Variants in PCDH19 observed in about 807,000 individuals in gnomAD.
PCDH19 encodes the protein protocadherin-19.
A neutral mutation model predicts 46.2 loss-of-function variants in PCDH19; 6 were observed. That is an observed-to-expected ratio of 0.13 (90% CI 0.07 to 0.26). PCDH19 has a LOEUF of 0.26. Ranked by LOEUF, PCDH19 falls within the 10% of genes least tolerant of loss-of-function variation. The pLI, the probability that PCDH19 is intolerant of heterozygous loss-of-function variation, is 1.00. For missense variants in PCDH19, 740 were observed against 972.3 expected (o/e 0.76, Z 3.18); for synonymous variants, 481 against 415.7 (o/e 1.16, Z -1.91).
At chrX:100,370,397 AAGCTGTCTATTT>A (rs1927184484) in intron 3 of PCDH19, among the ~76,000 whole-genome samples, 1 of 112,312 alleles carries the variant, frequency 8.9e-6, no homozygotes, top group Non-Finnish European at 1.9e-5. Context: ...CTGTATTCTA[AAGCTGTCTATTT>A]AGCCTTTATT....
intron 3 of PCDH19, among the ~76,000 whole-genome samples, chrX:100,356,893 C>T (rs1156905012): frequency 9.0e-6 from 1 of 111,213 alleles, no homozygotes; most frequent in Non-Finnish European, 1.9e-5. Flanking sequence ...TACAGATGAC[C>T]TTGGATGAAT....
intron 5 of PCDH19, among the ~76,000 whole-genome samples, chrX:100,333,157 G>GA (rs1925942080): frequency 5.4e-5 from 3 of 55,546 alleles, no homozygotes; most frequent in East Asian, 5.6e-4. Flanking sequence ...AAGGAAGGAA[G>GA]GAAGGAAGGA....
chrX:100,300,703 CA>C (rs1318851463), intron 5 of PCDH19, among the ~76,000 whole-genome samples: 3 of 110,971 alleles, frequency 2.7e-5, no homozygotes, highest in African/African-American at 6.6e-5. Flanking sequence ...CTAGGATTTG[CA>C]AAAGAAACAA....
chrX:100,381,709 A>C (rs1426387764), intron 3 of PCDH19, among the ~76,000 whole-genome samples: 1 of 112,190 alleles, frequency 8.9e-6, no homozygotes, highest in African/African-American at 3.2e-5. Flanking sequence ...ACCACTCCTA[A>C]AATTAATTTA....
At position 100,341,917 on chromosome X, in the gene PCDH19, T is replaced by C; in HGVS notation, c.2834A>G (p.Gln945Arg). Residue 945 changes from glutamine to arginine, a missense_variant, in exon 5 of 6, where the codon CAG becomes CGG. Transcript: ENST00000373034. ...LNTSVTSMGS[Q>R]MPDHDQNEGF... ...CCAGTCCTTACCATGATCAGGCATC[T>C]GAGATCCCATGGAGGTCACACTGGT... 3.3e-6 allele frequency: 4 copies of C among 1,195,291 alleles called. No individual in the cohort carries two copies. The highest frequency in any genetic ancestry group is 4.5e-6 in the Non-Finnish European group (4 of 880,748).
At chrX:100,347,485 T>C (rs1389740677) in intron 4 of PCDH19, among the ~76,000 whole-genome samples, 1 of 111,728 alleles carries the variant, frequency 9.0e-6, no homozygotes, top group Non-Finnish European at 1.9e-5. Flanking sequence ...CAAGCCTTTG[T>C]AAATGGTCCT....
intron 3 of PCDH19, among the ~76,000 whole-genome samples, chrX:100,380,738 C>T (rs1927530177): frequency 8.9e-6 from 1 of 112,261 alleles, no homozygotes; most frequent in African/African-American, 3.2e-5. Context: ...TATGCCACAG[C>T]CTGCTTTCTG....
At chrX:100,377,278 A>T (rs1348106965) in intron 3 of PCDH19, among the ~76,000 whole-genome samples, 6 of 111,603 alleles carry the variant, frequency 5.4e-5, no homozygotes, top group Non-Finnish European at 1.1e-4. Flanking sequence ...TGTGTTTTTA[A>T]TGTTTTCTTC....
At chrX:100,341,363 G>A (rs1289129553) in intron 5 of PCDH19, among the ~76,000 whole-genome samples, 12 of 111,683 alleles carry the variant, frequency 1.1e-4, no homozygotes, top group Non-Finnish European at 2.3e-4. Flanking sequence ...AAGCTAGAGG[G>A]AGGGATTTGG....
chrX:100,406,503 C>G lies in PCDH19; in HGVS notation c.2095G>C (p.Val699Leu). The G allele has an allele frequency of 8.3e-7, 1 of 1,208,148 alleles. No homozygotes were observed. The highest frequency in any genetic ancestry group is 1.1e-6 in the Non-Finnish European group (1 of 893,689). Residue 699 changes from valine to leucine, a missense_variant, in exon 1 of 6, where the codon GTG (valine) becomes CTG (leucine). Physicochemically the swap from Val to Leu is conservative, Grantham distance 32. This residue lies in a region of PCDH19 where 416 missense variants were observed against 476.8 expected (regional missense o/e 0.87). Coordinates refer to ENST00000373034, the MANE Select transcript of PCDH19 (RefSeq NM_001184880.2). ...AGILFVTMIF[V>L]AIKCKRDNKE... Reference sequence around the variant, plus strand: ...TTGTCTCGCTTGCACTTGATTGCCACGAAGATCATAGTTACAAAGAGGATG... The same window carrying G: ...TTGTCTCGCTTGCACTTGATTGCCAGGAAGATCATAGTTACAAAGAGGATG...
intron 3 of PCDH19, among the ~76,000 whole-genome samples, chrX:100,356,519 C>T (rs1926719887): frequency 9.1e-6 from 1 of 110,424 alleles, no homozygotes. Flanking sequence ...AATGAATATG[C>T]AAATTCTGTA....
chrX:100,381,011 A>G (rs1380292038), intron 3 of PCDH19, among the ~76,000 whole-genome samples: 3 of 112,285 alleles, frequency 2.7e-5, no homozygotes, highest in Non-Finnish European at 3.8e-5. Context: ...ATTCAGCAAT[A>G]AAAAGTCCCA....
At chrX:100,318,540 T>C (rs112235922) in intron 5 of PCDH19, among the ~76,000 whole-genome samples, 12 of 112,206 alleles carry the variant, frequency 1.1e-4, no homozygotes, top group African/African-American at 3.9e-4. Flanking sequence ...TCAGGCTGCA[T>C]TGGTGACCCA....
At chrX:100,380,456 G>A (rs777348281) in intron 3 of PCDH19, among the ~76,000 whole-genome samples, 6 of 111,606 alleles carry the variant, frequency 5.4e-5, no homozygotes, top group Admixed American at 9.6e-5. Context: ...GAAGGCAGGG[G>A]ACTATGTCAG....
chrX:100,401,976 ATGGCAAAG>A (rs1928196319), intron 3 of PCDH19, among the ~76,000 whole-genome samples: 1 of 112,393 alleles, frequency 8.9e-6, no homozygotes, highest in African/African-American at 3.2e-5. Context: ...CTGCTAAGAA[ATGGCAAAG>A]TGGCTTTTTA....
chrX:100,405,187 A>C (rs2147535813), intron 1 of PCDH19, among the ~76,000 whole-genome samples: 1 of 112,511 alleles, frequency 8.9e-6, no homozygotes, highest in African/African-American at 3.2e-5. Context: ...TGTCAAATAC[A>C]AACTGAACCT....
intron 5 of PCDH19, among the ~76,000 whole-genome samples, chrX:100,324,943 G>C (rs1438030584): frequency 1.3e-4 from 14 of 111,040 alleles, no homozygotes; most frequent in Admixed American, 1.3e-3. Context: ...GACCAGACTG[G>C]ACAAGTAACT....
At chrX:100,310,486 A>C (rs1455812128) in intron 5 of PCDH19, among the ~76,000 whole-genome samples, 1 of 111,079 alleles carries the variant, frequency 9.0e-6, no homozygotes, top group Non-Finnish European at 1.9e-5. Context: ...TGATGGAGAA[A>C]ATAATCTGAC....
rs745666596 is a variant in PCDH19, at chrX:100,303,306, A to G, written c.2849-6431T>C. ...GAAATGGAAGAAGGAAGGAAGGAAG[A>G]AAGGAAGGAAGGAAAAAAGGAAGGA... is the stretch of plus-strand genomic sequence containing the variant. On this transcript the variant is annotated intron_variant, in intron 5 of 5. Transcript: ENST00000373034. Among the ~76,000 whole-genome samples, 13 of 110,492 alleles carry G rather than the reference A, an allele frequency of 1.2e-4. 1 individual carries two copies. The highest frequency in any genetic ancestry group is 1.9e-4 in the Admixed American group (2 of 10,392).
Sources: gnomAD v4.1 joint callset for allele counts (sites outside exome capture counted in the v4.1 genomes callset) on GRCh38, gnomAD v4.1.1 for gene constraint, gnomAD v4.1.1 regional missense constraint, MANE v1.5 for transcripts, NCBI Gene and HGNC (gene_info 2026-07-23, HGNC 2026-07-21) for gene names.